The following PHF21A variants were observed in gnomAD, a reference collection of about 807,000 sequenced individuals.
The protein encoded by PHF21A is BHC80a.
Under a neutral mutation model 82.5 loss-of-function variants are expected in PHF21A, and 11 were observed. The observed-to-expected ratio is 0.13, with a 90% confidence interval of 0.08 to 0.22. The LOEUF is 0.22. Among genes scored for constraint, PHF21A ranks in the 10% least tolerant of loss-of-function variants. The pLI, the probability that PHF21A is intolerant of heterozygous loss-of-function variation, is 1.00. For synonymous variants in PHF21A, 297 were observed against 302.8 expected (o/e 0.98, Z 0.20); for missense variants, 579 against 837.8 (o/e 0.69, Z 3.81).
At chr11:45,965,639 T>C (rs757521460) in intron 9 of PHF21A, 31 bp from the exon 10 acceptor site, 2 of 1,486,632 alleles carry the variant, frequency 1.3e-6, no homozygotes, top group Non-Finnish European at 1.8e-6. Context: ...AATTATTGTA[T>C]TACTTAAGCT....
chr11:45,975,344 A>C (rs2093973360), intron 7 of PHF21A, among the ~76,000 whole-genome samples: 1 of 143,988 alleles, frequency 6.9e-6, no homozygotes, highest in Non-Finnish European at 1.5e-5. Flanking sequence ...AAATAAAATA[A>C]AATAAAATAA....
intron 6 of PHF21A, among the ~76,000 whole-genome samples, chr11:46,018,488 A>G (rs2095563614): frequency 6.6e-6 from 1 of 152,218 alleles, no homozygotes; most frequent in Admixed American, 6.5e-5. Flanking sequence ...TAAAACTGAA[A>G]GAAATTTGTC....
intron 4 of PHF21A, 89 bp from the exon 5 acceptor site, chr11:46,079,255 A>AATAT: frequency 1.2e-6 from 1 of 867,786 alleles, no homozygotes. Flanking sequence ...CTAGGATTTT[A>AATAT]AGTTAACACA....
chr11:45,935,223 G>C (rs780597546), intron 18 of PHF21A: 2 of 1,293,892 alleles, frequency 1.5e-6, no homozygotes, highest in Admixed American at 4.6e-5. Flanking sequence ...AGGGCCGTAC[G>C]GATGGGCCCA....
intron 1 of PHF21A, among the ~76,000 whole-genome samples, chr11:46,114,360 G>A (rs1379174356): frequency 6.6e-6 from 1 of 152,186 alleles, no homozygotes; most frequent in Non-Finnish European, 1.5e-5. Flanking sequence ...TGCATCAGGA[G>A]GCCTAACACA....
chr11:46,056,441 C>A (rs936976382), intron 6 of PHF21A, among the ~76,000 whole-genome samples: 15 of 152,012 alleles, frequency 9.9e-5, no homozygotes, highest in African/African-American at 3.4e-4. Flanking sequence ...CCTGTAAATC[C>A]TGATAGTTCT....
intron 1 of PHF21A, among the ~76,000 whole-genome samples, chr11:46,102,425 T>C (rs2097107562): frequency 6.6e-6 from 1 of 152,212 alleles, no homozygotes; most frequent in Non-Finnish European, 1.5e-5. Context: ...ATGTAAAAGA[T>C]CAATATATAA....
At chr11:45,935,156 C>T (rs1266645721) in intron 18 of PHF21A, 3 of 1,289,644 alleles carry the variant, frequency 2.3e-6, no homozygotes, top group Non-Finnish European at 3.0e-6. Context: ...CGCTTCCTCA[C>T]ACTGGTCAGG....
In PHF21A at chr11:46,031,989, T is replaced by C. The variant is rs146816431; in HGVS notation, c.153+44765A>G. Among the ~76,000 whole-genome samples the C allele has an allele frequency of 3.4e-3, 524 of 152,288 alleles. 1 individual carries two copies. Among genetic ancestry groups the C allele is most frequent in the Non-Finnish European group, 3.8e-3 (259 of 68,014 alleles). ...CTTTTTGTTCTCTTCCACACTAACA[T>C]GAAAACCACAGCTTTATTAGCTGAT... On this transcript the variant is annotated intron_variant, in intron 6 of 18. Transcript: ENST00000676320.
intron 4 of PHF21A, among the ~76,000 whole-genome samples, chr11:46,079,693 A>G (rs1201515227): frequency 6.6e-6 from 1 of 152,202 alleles, no homozygotes; most frequent in Admixed American, 6.5e-5. Context: ...TCAGTGGGGC[A>G]GTGATGCTCA....
chr11:46,046,767 C>T (rs899666179), intron 6 of PHF21A, among the ~76,000 whole-genome samples: 1 of 152,122 alleles, frequency 6.6e-6, no homozygotes, highest in Non-Finnish European at 1.5e-5. Context: ...AACCCAACAA[C>T]ATAGAAGGAA....
chr11:46,015,392 G>A lies in PHF21A; in HGVS notation c.154-35426C>T, dbSNP rs180788005. 3.4e-3 allele frequency among the ~76,000 whole-genome samples: 522 copies of A among 152,160 alleles called. 2 individuals carry two copies. Among genetic ancestry groups the A allele is most frequent in the Middle Eastern group, 0.02 (6 of 294 alleles). Reference sequence around the variant, plus strand: ...TTGTTTTTGTTACAATTACTTTTGAGGACTTAGCCATAAATTCTTTGCCTA... The same window carrying A: ...TTGTTTTTGTTACAATTACTTTTGAAGACTTAGCCATAAATTCTTTGCCTA... On this transcript the variant is annotated intron_variant, in intron 6 of 18. Transcript: ENST00000676320.
chr11:46,005,808 G>A (rs775698053), intron 6 of PHF21A, among the ~76,000 whole-genome samples: 5 of 152,132 alleles, frequency 3.3e-5, no homozygotes, highest in Non-Finnish European at 7.4e-5. Flanking sequence ...ATTTACTCTA[G>A]CTGTATGAAT....
chr11:45,956,023 A>C (rs2092609932), intron 10 of PHF21A, among the ~76,000 whole-genome samples: 1 of 152,222 alleles, frequency 6.6e-6, no homozygotes, highest in Non-Finnish European at 1.5e-5. Context: ...AATATATTTA[A>C]AGTGCTGAGC....
chr11:45,934,262 C>T, intron 18 of PHF21A, 37 bp from the exon 19 acceptor site: 1 of 1,592,794 alleles, frequency 6.3e-7, no homozygotes, highest in Non-Finnish European at 8.5e-7. Context: ...ACTGAGCCGC[C>T]TGGTTTCTAA....
intron 7 of PHF21A, among the ~76,000 whole-genome samples, chr11:45,979,354 C>CTG (rs763514252): frequency 1.3e-5 from 2 of 152,056 alleles, no homozygotes; most frequent in Non-Finnish European, 2.9e-5. Context: ...CTATCTGGTC[C>CTG]CAAGAGCACT....
chr11:46,008,971 CTTTTTTTTTT>C (rs368337006), intron 6 of PHF21A, among the ~76,000 whole-genome samples: 2 of 111,584 alleles, frequency 1.8e-5, no homozygotes, highest in Non-Finnish European at 3.5e-5. Flanking sequence ...TCACATTTCA[CTTTTTTTTTT>C]TTTTTTTTTT....
intron 6 of PHF21A, among the ~76,000 whole-genome samples, chr11:45,991,961 A>G (rs777432892): frequency 2.7e-5 from 4 of 148,778 alleles, no homozygotes; most frequent in Non-Finnish European, 5.9e-5. Flanking sequence ...ACATTTTGCA[A>G]GACATGTAAT....
chr11:46,069,897 A>T (rs1342997636), intron 6 of PHF21A, among the ~76,000 whole-genome samples: 1 of 152,206 alleles, frequency 6.6e-6, no homozygotes, highest in Non-Finnish European at 1.5e-5. Context: ...TACAGCCAAC[A>T]ATTTCCTTTT....
Sources: allele counts gnomAD v4.1 joint callset (sites outside exome capture counted in the v4.1 genomes callset), GRCh38; gene constraint gnomAD v4.1.1; transcripts MANE v1.5; gene names NCBI Gene and HGNC (gene_info 2026-07-23, HGNC 2026-07-21).